The following CATSPERD variants were observed in gnomAD, a reference collection of about 807,000 sequenced individuals.
CATSPERD encodes the protein catsper channel auxiliary subunit delta.
In CATSPERD, 86 loss-of-function variants were observed where a neutral mutation model predicts 98.1. The ratio of observed to expected loss-of-function variants is 0.88; its 90% CI spans 0.74 to 1.05. The LOEUF (loss-of-function observed/expected upper bound fraction) is 1.05. CATSPERD is among the 50% of genes least tolerant of loss of function. The pLI is 0.00. For missense variants in CATSPERD, 995 were observed against 1,005.7 expected (o/e 0.99, Z 0.14); for synonymous variants, 394 against 390.2 (o/e 1.01, Z -0.12).
chr19:5,751,530 TCAAA>T (rs2056219514), intron 11 of CATSPERD, 113 bp from the exon 12 acceptor site: 1 of 481,892 alleles, frequency 2.1e-6, no homozygotes, highest in Non-Finnish European at 2.8e-6. Context: ...TGAGACTCCA[TCAAA>T]AAAAAAAAAA....
rs181116583 is a variant in CATSPERD at position 5,773,014 on chromosome 19, G to A, written c.1941+49G>A. On this transcript the variant is annotated intron_variant, in intron 20 of 21. Transcript: ENST00000381624. ...CCAGAAGAATCAGCAGCCCACCAGG[G>A]GGTGGGAGAGTGCGTGAGGACACCG... is the stretch of plus-strand genomic sequence containing the variant. 3.8e-6 allele frequency: 6 copies of A among 1,574,370 alleles called. 1 individual carries two copies. The highest frequency in any genetic ancestry group is 1.7e-4 in the Middle Eastern group (1 of 5,844).
At chr19:5,746,711 G>A (rs1294501606) in intron 9 of CATSPERD, among the ~76,000 whole-genome samples, 2 of 152,092 alleles carry the variant, frequency 1.3e-5, no homozygotes, top group African/African-American at 4.8e-5. Flanking sequence ...GGGATTACAG[G>A]CGTGAGCCAC....
intron 20 of CATSPERD, among the ~76,000 whole-genome samples, chr19:5,773,785 T>C (rs1568376750): frequency 2.0e-5 from 3 of 150,584 alleles, no homozygotes; most frequent in Admixed American, 6.7e-5. Context: ...CCATGGATTA[T>C]AGGTATAAGT....
chr19:5,751,940 G>T, intron 12 of CATSPERD, 117 bp downstream of exon 12: 1 of 938,052 alleles, frequency 1.1e-6, no homozygotes, highest in Non-Finnish European at 1.5e-6. Flanking sequence ...AGGCTGGAGG[G>T]TTGTTTGAGG....
chr19:5,769,057 G>A (rs1490154446), intron 18 of CATSPERD, among the ~76,000 whole-genome samples: 1 of 151,894 alleles, frequency 6.6e-6, no homozygotes, highest in Non-Finnish European at 1.5e-5. Context: ...GGGAGGCTGA[G>A]GCAGGAGAGT....
chr19:5,751,642 C>G lies in CATSPERD; in HGVS notation c.988-5C>G. The G allele has an allele frequency of 2.8e-6, 4 of 1,438,380 alleles. No homozygotes were observed. The highest frequency in any genetic ancestry group is 3.7e-6 in the Non-Finnish European group (4 of 1,078,590). The allele number at this position is 1,438,380 out of a possible 1,614,324, so 89.1% of individuals were successfully genotyped here. A position where few individuals can be genotyped will look rare whatever the true frequency, so the allele number is the denominator to read the frequency against. On this transcript the variant is annotated splice_polypyrimidine_tract_variant and splice_region_variant and intron_variant, in intron 11 of 21. Transcript: ENST00000381624. ...ATTAGATCTCAGGAATCATTTTCTT[C>G]TTAGTTTGCAGACCAATACATCTGG...
At chr19:5,730,371 C>T (rs867321631) in intron 4 of CATSPERD, among the ~76,000 whole-genome samples, 55 of 151,440 alleles carry the variant, frequency 3.6e-4, no homozygotes, top group Middle Eastern at 3.4e-3. Flanking sequence ...GGTGAAACCC[C>T]GTCTCTACTA....
chr19:5,723,440 C>T (rs1599499567), intron 1 of CATSPERD, among the ~76,000 whole-genome samples: 1 of 148,472 alleles, frequency 6.7e-6, no homozygotes, highest in Non-Finnish European at 1.5e-5. Flanking sequence ...AACAGGCGCC[C>T]GCCACCCTGC....
rs1214234143 is a variant in CATSPERD at position 5,768,202 on chromosome 19, C to A, written c.1594C>A (p.Pro532Thr). 1.2e-6 allele frequency: 2 copies of A among 1,613,862 alleles called. No individual in the cohort carries two copies. Among genetic ancestry groups the A allele is most frequent in the South Asian group, 1.1e-5 (1 of 91,080 alleles). The change falls in exon 18 of 22, where the codon CCC becomes ACC. Residue 532 changes from proline to threonine, a missense_variant. By Grantham distance (38) the Pro-to-Thr change is conservative. Around this residue, in one of 3 missense-constraint regions of CATSPERD, gnomAD observed 762 missense variants for 773.7 expected, o/e 0.98. Coordinates refer to ENST00000381624, the MANE Select transcript of CATSPERD (RefSeq NM_152784.4). ...CGCCTGTTCCATGGGCATCCTGGAC[C>A]CCTTGACCCTGCAAGACAATTACAG... is the stretch of plus-strand genomic sequence containing the variant. ...VSACSMGILD[P>T]LTLQDNYSFI...
chr19:5,767,178 G>A (rs1244336899), intron 17 of CATSPERD, among the ~76,000 whole-genome samples: 3 of 150,028 alleles, frequency 2.0e-5, no homozygotes, highest in Non-Finnish European at 4.5e-5. Flanking sequence ...TTAGCCGGGC[G>A]CATTGGCGGG....
rs1227229004 is a variant in CATSPERD at position 5,754,289 on chromosome 19, C to T, written c.1278+44C>T. 2.9e-6 allele frequency: 4 copies of T among 1,394,678 alleles called. No homozygotes were observed. In the South Asian group the frequency reaches 4.6e-5, roughly 16 times the overall value. 86.4% of individuals were successfully genotyped at this position (1,394,678 alleles called of 1,614,324 possible). ...TTCTGCTATCTGGGATTCTCAGCCACATGCCTGGTGCCCACTCCCAGATTC... is the reference window on the plus strand; with the variant it reads ...TTCTGCTATCTGGGATTCTCAGCCATATGCCTGGTGCCCACTCCCAGATTC... On this transcript the variant is annotated intron_variant, in intron 13 of 21. Transcript: ENST00000381624.
At chr19:5,772,146 C>G (rs1344867425) in intron 19 of CATSPERD, 1 of 409,586 alleles carries the variant, frequency 2.4e-6, no homozygotes, top group Admixed American at 2.9e-5. Context: ...CTCCCAGGCT[C>G]AAGCGGTCCT....
At chr19:5,736,233 C>A (rs1475658769) in intron 5 of CATSPERD, among the ~76,000 whole-genome samples, 1 of 151,832 alleles carries the variant, frequency 6.6e-6, no homozygotes, top group Non-Finnish European at 1.5e-5. Flanking sequence ...GTTCTGTCCC[C>A]CAAGAGGACA....
intron 3 of CATSPERD, 144 bp from the exon 4 acceptor site, chr19:5,729,728 G>A (rs1344647095): frequency 1.1e-5 from 6 of 561,350 alleles, no homozygotes; most frequent in African/African-American, 1.9e-5. Context: ...GTTTATTTAT[G>A]CAAAATAAGT....
At chr19:5,738,639 A>G (rs2055895878) in intron 6 of CATSPERD, among the ~76,000 whole-genome samples, 1 of 152,182 alleles carries the variant, frequency 6.6e-6, no homozygotes. Context: ...GGTAGAGTGC[A>G]GTGGCGCAAT....
In CATSPERD at chr19:5,729,861, G is replaced by T. The variant is rs911293300; in HGVS notation, c.204-11G>T. The T allele has an allele frequency of 2.7e-6, 4 of 1,504,144 alleles. No homozygotes were observed. Among genetic ancestry groups the T allele is most frequent in the South Asian group, 1.2e-5 (1 of 84,412 alleles). The allele number at this position is 1,504,144 out of a possible 1,614,324, so 93.2% of individuals were successfully genotyped here. A position where few individuals can be genotyped will look rare whatever the true frequency, so the allele number is the denominator to read the frequency against. ...ATTATCCTAATTTAACTTATTTATT[G>T]TTTATTTCAGGAAACAAGTTTTTTT... On this transcript the variant is annotated splice_polypyrimidine_tract_variant and intron_variant, in intron 3 of 21. Transcript: ENST00000381624.
At chr19:5,775,648 C>CAAAAAAAAAAA (rs1156270373) in intron 20 of CATSPERD, among the ~76,000 whole-genome samples, 1 of 61,476 alleles carries the variant, frequency 1.6e-5, no homozygotes, top group African/African-American at 5.4e-5. Flanking sequence ...AACCCCATCT[C>CAAAAAAAAAAA]AAAAAAAAAA....
chr19:5,729,970 AG>A, intron 4 of CATSPERD, 26 bp downstream of exon 4: 1 of 1,258,350 alleles, frequency 7.9e-7, no homozygotes. Flanking sequence ...AGTGATCTGA[AG>A]GATGCTAGTA....
chr19:5,754,244 T>C lies in CATSPERD; in HGVS notation c.1277T>C (p.Leu426Pro). ...CAGCCAGGCACATCCCTGATTCCTC[T>C]GGTAAGTACATCTTAATGTTTCTGC... Reference protein sequence around the residue: ...IPQPGTSLIPLVMVSNPHSLG... With the variant: ...IPQPGTSLIPPVMVSNPHSLG... Residue 426 changes from leucine to proline, a missense_variant and splice_region_variant, in exon 13 of 22, where the codon CTG (leucine) becomes CCG (proline). Leu to Pro is a moderately conservative substitution (Grantham distance 98). Around this residue, in one of 3 missense-constraint regions of CATSPERD, gnomAD observed 762 missense variants for 773.7 expected, o/e 0.98. Transcript: ENST00000381624. 1 of 1,605,812 alleles carries C rather than the reference T, an allele frequency of 6.2e-7. No individual in the cohort carries two copies.
Sources: allele counts gnomAD v4.1 joint callset (sites outside exome capture counted in the v4.1 genomes callset), GRCh38; gene constraint gnomAD v4.1.1; regional missense constraint gnomAD v4.1.1; transcripts MANE v1.5; gene names NCBI Gene and HGNC (gene_info 2026-07-23, HGNC 2026-07-21).